The following GNG5 variants were observed in gnomAD, a reference collection of about 807,000 sequenced individuals.
GNG5 encodes the protein guanine nucleotide-binding protein G(I)/G(S)/G(O) subunit gamma-5.
In GNG5, 2 loss-of-function variants were observed where a neutral mutation model predicts 6.2. That is an observed-to-expected ratio of 0.32 (90% CI 0.13 to 1.01). GNG5 has a LOEUF of 1.01. Among genes scored for constraint, GNG5 ranks in the 50% least tolerant of loss-of-function variants. GNG5 has a pLI of 0.48. For missense variants in GNG5, 57 were observed against 80.2 expected (o/e 0.71, Z 1.10); for synonymous variants, 24 against 33.0 (o/e 0.73, Z 0.93).
intron 2 of GNG5, 120 bp downstream of exon 2, chr1:84,505,891 G>A (rs754678379): frequency 4.0e-5 from 25 of 632,028 alleles, no homozygotes; most frequent in African/African-American, 7.8e-5. Context: ...CGCTGAGCGC[G>A]CGTCCTCTCC....
At chr1:84,504,158 G>C (rs909265728) in intron 2 of GNG5, among the ~76,000 whole-genome samples, 1 of 152,088 alleles carries the variant, frequency 6.6e-6, no homozygotes. Context: ...ACACATAAAG[G>C]TTAAAAGTAA....
chr1:84,498,702 C>CTGA (rs1681991416), intron 3 of GNG5, among the ~76,000 whole-genome samples, 154 bp from the exon 4 acceptor site: 1 of 152,198 alleles, frequency 6.6e-6, no homozygotes, highest in African/African-American at 2.4e-5. Context: ...CACAACCACT[C>CTGA]TGATGTATAA....
At chr1:84,502,144 T>G (rs1682072110) in intron 2 of GNG5, among the ~76,000 whole-genome samples, 174 bp from the exon 3 acceptor site, 1 of 147,460 alleles carries the variant, frequency 6.8e-6, no homozygotes, top group Non-Finnish European at 1.5e-5. Flanking sequence ...TTTTTTTTTT[T>G]TTTTTTTTTT....
At position 84,501,990 on chromosome 1, in the gene GNG5, G is replaced by A. The variant is rs751317201; in HGVS notation, c.82-20C>T. On this transcript the variant is annotated intron_variant, in intron 2 of 3. Coordinates refer to ENST00000370645, the MANE Select transcript of GNG5 (RefSeq NM_005274.3). The stretch of plus-strand genomic sequence containing the variant: ...GGAAACCTATACATAACAAAGAGGG[G>A]GGGAAGTGCCAGATGGTGAGAACAT... 4 of 1,600,814 alleles carry A rather than the reference G, an allele frequency of 2.5e-6. No homozygotes were observed. The highest frequency in any genetic ancestry group is 3.4e-6 in the Non-Finnish European group (4 of 1,169,042).
chr1:84,505,951 C>T (rs941156961), intron 2 of GNG5, 60 bp downstream of exon 2: 1 of 1,236,254 alleles, frequency 8.1e-7, no homozygotes, highest in Non-Finnish European at 1.1e-6. Flanking sequence ...CCAGCTGGGC[C>T]GCCGGATCCC....
chr1:84,505,767 G>T (rs941092558), intron 2 of GNG5, among the ~76,000 whole-genome samples: 1 of 152,196 alleles, frequency 6.6e-6, no homozygotes, highest in Admixed American at 6.5e-5. Flanking sequence ...TCAACCCAGG[G>T]GCCAGCCCGC....
intron 2 of GNG5, among the ~76,000 whole-genome samples, chr1:84,502,434 GTGAGCTC>G (rs1682078396): frequency 1.3e-5 from 2 of 152,090 alleles, no homozygotes. Flanking sequence ...GCCCAGCCTA[GTGAGCTC>G]TTAATACTTA....
Position 84,501,981 on chromosome 1 carries a change from C to G in GNG5, c.82-11G>C, listed in dbSNP as rs779158392. On this transcript the variant is annotated splice_polypyrimidine_tract_variant and intron_variant, in intron 2 of 3. Transcript: ENST00000370645. ...AGCTGCCTGGGAAACCTATACATAA[C>G]AAAGAGGGGGGGAAGTGCCAGATGG... The G allele has an allele frequency of 1.2e-6, 2 of 1,607,016 alleles. No individual in the cohort carries two copies. The highest frequency in any genetic ancestry group is 4.5e-5 in the East Asian group (2 of 44,798).
At chr1:84,499,359 GA>G (rs1348536705) in intron 3 of GNG5, among the ~76,000 whole-genome samples, 1 of 152,120 alleles carries the variant, frequency 6.6e-6, no homozygotes, top group Admixed American at 6.5e-5. Flanking sequence ...AGGACTCAAG[GA>G]AAAAACATTC....
At chr1:84,505,970 C>A in intron 2 of GNG5, 41 bp downstream of exon 2, 1 of 1,398,568 alleles carries the variant, frequency 7.2e-7, no homozygotes, top group Non-Finnish European at 9.5e-7. Flanking sequence ...CCACCCGCCG[C>A]CGCCGCCTTC....
chr1:84,502,003 AT>A, intron 2 of GNG5, 33 bp from the exon 3 acceptor site: 1 of 1,578,464 alleles, frequency 6.3e-7, no homozygotes, highest in South Asian at 1.1e-5. Flanking sequence ...GAAGTGCCAG[AT>A]GGTGAGAACA....
At chr1:84,506,342 C>T (rs573576047) in intron 1 of GNG5, 41 bp from the exon 2 acceptor site, 64 of 367,838 alleles carry the variant, frequency 1.7e-4, no homozygotes, top group African/African-American at 1.3e-3. Flanking sequence ...AGTCGGTGGG[C>T]GCGGCGGCTG....
At chr1:84,505,040 A>G (rs949543247) in intron 2 of GNG5, among the ~76,000 whole-genome samples, 2 of 152,230 alleles carry the variant, frequency 1.3e-5, no homozygotes, top group Non-Finnish European at 2.9e-5. Flanking sequence ...AAATCAAATC[A>G]TCTTAGGAAC....
rs1276536910 is a variant in GNG5, at chr1:84,498,630, TAAAAG to T, written c.*20-87_*20-83del. 4.6e-5 allele frequency: 7 copies of T among 152,238 alleles called. No individual in the cohort carries two copies. In the East Asian group the frequency reaches 7.7e-4, roughly 17 times the overall value. 9.4% of individuals were successfully genotyped at this position (152,238 alleles called of 1,614,324 possible). On this transcript the variant is annotated intron_variant, in intron 3 of 3. Coordinates refer to ENST00000370645, the MANE Select transcript of GNG5 (RefSeq NM_005274.3). Reference sequence around the variant, plus strand: ...TTTTTAATTTTTTTCATGAATAACTTAAAAGAAGCAGGATGGGAAATGCCTATGGT... The same window carrying T: ...TTTTTAATTTTTTTCATGAATAACTTAAGCAGGATGGGAAATGCCTATGGT...
intron 2 of GNG5, among the ~76,000 whole-genome samples, chr1:84,504,263 TAAAGA>T (rs908595077): frequency 1.6e-4 from 24 of 152,358 alleles, no homozygotes; most frequent in African/African-American, 5.5e-4. Flanking sequence ...GCAACATGTC[TAAAGA>T]AAAGCTCATT....
rs749856999 is a variant in GNG5 at position 84,501,977 on chromosome 1, A to G, written c.82-7T>C. ...CTGCAGCTGCCTGGGAAACCTATAC[A>G]TAACAAAGAGGGGGGGAAGTGCCAG... On this transcript the variant is annotated splice_region_variant and splice_polypyrimidine_tract_variant and intron_variant, in intron 2 of 3. Transcript: ENST00000370645. 1.4e-5 allele frequency: 23 copies of G among 1,608,650 alleles called. No individual in the cohort carries two copies. The South Asian group carries it at 2.2e-4, about 15-fold the overall frequency.
At chr1:84,501,338 T>C (rs928673504) in intron 3 of GNG5, among the ~76,000 whole-genome samples, 1 of 152,228 alleles carries the variant, frequency 6.6e-6, no homozygotes, top group African/African-American at 2.4e-5. Flanking sequence ...CATTTCCAAT[T>C]CCCAATCTTT....
chr1:84,504,888 A>G (rs956191308), intron 2 of GNG5, among the ~76,000 whole-genome samples: 1 of 152,136 alleles, frequency 6.6e-6, no homozygotes, highest in Non-Finnish European at 1.5e-5. Context: ...CTGCACCAAG[A>G]CGAATGAGAA....
chr1:84,498,611 A>AT (rs1213369457), intron 3 of GNG5, 63 bp from the exon 4 acceptor site: 2 of 151,946 alleles, frequency 1.3e-5, no homozygotes, highest in Admixed American at 6.6e-5. Flanking sequence ...ATAGTTTTTA[A>AT]TTTTTTTCAT....
Sources: gnomAD v4.1 joint callset for allele counts (sites outside exome capture counted in the v4.1 genomes callset) on GRCh38, gnomAD v4.1.1 for gene constraint, MANE v1.5 for transcripts, NCBI Gene and HGNC (gene_info 2026-07-23, HGNC 2026-07-21) for gene names.